RPN1: variants seen among roughly 807,000 people sequenced by gnomAD.
RPN1 encodes the protein dolichyl-diphosphooligosaccharide--protein glycosyltransferase subunit 1.
Under a neutral mutation model 55.5 loss-of-function variants are expected in RPN1, and 12 were observed. The observed-to-expected ratio is 0.22, with a 90% CI of 0.14 to 0.35. The LOEUF (loss-of-function observed/expected upper bound fraction) is 0.35, where lower values mean the gene tolerates loss of function less well. Ranked by LOEUF, RPN1 falls within the 10% of genes least tolerant of loss-of-function variation. RPN1 has a pLI of 1.00. For synonymous variants in RPN1, 317 were observed against 305.9 expected (o/e 1.04, Z -0.38); for missense variants, 679 against 761.3 (o/e 0.89, Z 1.27).
In RPN1 at chr3:128,650,778, A is replaced by G; in HGVS notation, c.23T>C (p.Leu8Ser). The part of the protein sequence containing the change: MEAPAAG[L>S]FLLLLLGTWA... ...AGTCCCAAGCAACAGGAGCAGAAAC[A>G]AGCCGGCGGCTGGCGCCTCCATGAC... The change falls in exon 1 of 10, where the codon TTG becomes TCG. Residue 8 changes from leucine to serine, a missense_variant. This residue lies in a region of RPN1 where 352 missense variants were observed against 352.8 expected (regional missense o/e 1.00). Coordinates refer to ENST00000296255, the MANE Select transcript of RPN1 (RefSeq NM_002950.4). 1 of 1,540,004 alleles carries G rather than the reference A, an allele frequency of 6.5e-7. No homozygotes were observed. Among genetic ancestry groups the G allele is most frequent in the Non-Finnish European group, 8.8e-7 (1 of 1,140,958 alleles).
At chr3:128,620,666 C>G in intron 9 of RPN1, 73 bp from the exon 10 acceptor site, 1 of 1,482,848 alleles carries the variant, frequency 6.7e-7, no homozygotes, top group Non-Finnish European at 9.2e-7. Flanking sequence ...CACCATCTCC[C>G]AGGCCTACAG....
At chr3:128,632,353 A>G (rs1214752644) in intron 3 of RPN1, among the ~76,000 whole-genome samples, 196 bp from the exon 4 acceptor site, 1 of 152,218 alleles carries the variant, frequency 6.6e-6, no homozygotes, top group Non-Finnish European at 1.5e-5. Flanking sequence ...TTCATGATAT[A>G]TTATTAACTC....
At chr3:128,627,874 C>T (rs891044004) in intron 5 of RPN1, among the ~76,000 whole-genome samples, 3 of 152,160 alleles carry the variant, frequency 2.0e-5, no homozygotes, top group Admixed American at 6.5e-5. Flanking sequence ...CCCATAAAAA[C>T]GAACCAGGAG....
At position 128,637,894 on chromosome 3, in the gene RPN1, G is replaced by T. The variant is rs1375624516; in HGVS notation, c.538C>A (p.Arg180=). 1 of 1,614,018 alleles carries T rather than the reference G, an allele frequency of 6.2e-7. No homozygotes were observed. The highest frequency in any genetic ancestry group is 1.3e-5 in the African/African-American group (1 of 74,892). Residue 180 remains arginine (R), a synonymous_variant, in exon 3 of 10, where the codon CGA becomes AGA. Transcript: ENST00000296255. The stretch of plus-strand genomic sequence containing the variant: ...AGCTTGGTGTAGCTCTCCACATTTC[G>T]AGAGGCAAGCTTCACACGCATGGTT... ...TQTMRVKLAS[R]NVESYTKLGN...
intron 8 of RPN1, among the ~76,000 whole-genome samples, chr3:128,622,703 A>T (rs983436747): frequency 6.6e-6 from 1 of 151,922 alleles, no homozygotes; most frequent in South Asian, 2.1e-4. Context: ...GACCAGCCTG[A>T]CCAATATGGT....
At chr3:128,624,434 C>G (rs997385304) in intron 8 of RPN1, among the ~76,000 whole-genome samples, 6 of 151,204 alleles carry the variant, frequency 4.0e-5, no homozygotes, top group Admixed American at 1.3e-4. Flanking sequence ...AAGCTGAGAG[C>G]GCACCACTGC....
In RPN1 at chr3:128,637,838, C is replaced by T; in HGVS notation, c.594G>A (p.Leu198=). Residue 198 remains leucine (L), a synonymous_variant, in exon 3 of 10, where the codon CTG becomes CTA. Transcript: ENST00000296255. The stretch of plus-strand genomic sequence containing the variant: ...GCACATCTCTGAAAGGCCCATAATC[C>T]AGTAGGTCCTCAGAGCGCGTGGGGT... The part of the protein sequence containing the change: ...LGNPTRSEDL[L]DYGPFRDVPA... The T allele has an allele frequency of 6.2e-7, 1 of 1,613,592 alleles. No individual in the cohort carries two copies. Among genetic ancestry groups the T allele is most frequent in the Non-Finnish European group, 8.5e-7 (1 of 1,180,036 alleles).
chr3:128,621,537 C>G (rs1416842565), intron 9 of RPN1, among the ~76,000 whole-genome samples: 1 of 151,344 alleles, frequency 6.6e-6, no homozygotes, highest in African/African-American at 2.4e-5. Flanking sequence ...TGAGGAAATT[C>G]ACACAGAGTG....
chr3:128,643,086 G>A (rs960682372), intron 2 of RPN1, among the ~76,000 whole-genome samples: 3 of 152,008 alleles, frequency 2.0e-5, no homozygotes, highest in African/African-American at 7.2e-5. Flanking sequence ...CAGCACTTTG[G>A]GAGGCCAAGA....
chr3:128,649,036 G>A (rs560903141), intron 1 of RPN1, among the ~76,000 whole-genome samples: 49 of 152,256 alleles, frequency 3.2e-4, no homozygotes, highest in Non-Finnish European at 4.7e-4. Context: ...CATAATATCT[G>A]ACACACAGTA....
rs1025257279 is a variant in RPN1 at position 128,632,870 on chromosome 3, C to G, written c.634-713G>C. ...TTGGCCTACCAAAGTGCTGGGATTA[C>G]AGGCATGAGCCACCGTGCCCAGCAA... On this transcript the variant is annotated intron_variant, in intron 3 of 9. Coordinates refer to ENST00000296255, the MANE Select transcript of RPN1 (RefSeq NM_002950.4). Among the ~76,000 whole-genome samples, 3 of 152,336 alleles carry G rather than the reference C, an allele frequency of 2.0e-5. No individual in the cohort carries two copies. In the South Asian group the frequency reaches 6.2e-4, roughly 32 times the overall value.
At chr3:128,648,657 A>G (rs2069788024) in intron 1 of RPN1, among the ~76,000 whole-genome samples, 1 of 152,230 alleles carries the variant, frequency 6.6e-6, no homozygotes. Context: ...TCTCCTTGTT[A>G]AGTTTATCAT....
At chr3:128,635,491 G>A (rs11717399) in intron 3 of RPN1, among the ~76,000 whole-genome samples, 1 of 150,838 alleles carries the variant, frequency 6.6e-6, no homozygotes, top group Non-Finnish European at 1.5e-5. Context: ...AGTAGAGATG[G>A]GGTTTCACCA....
rs368913377 is a variant in RPN1, at chr3:128,640,017, C to T, written c.327-1912G>A. 7.2e-5 allele frequency among the ~76,000 whole-genome samples: 11 copies of T among 152,050 alleles called. No individual in the cohort carries two copies. In the South Asian group the frequency reaches 2.3e-3, roughly 32 times the overall value. On this transcript the variant is annotated intron_variant, in intron 2 of 9. Transcript: ENST00000296255. ...TGAAACCCTGTCTCTACTAAAAGTA[C>T]AAAAATTAGCCGGGCGTGGTGGCAG...
intron 3 of RPN1, among the ~76,000 whole-genome samples, chr3:128,635,612 GATATATATATATATATATATATATAT>G (rs112246211): frequency 3.2e-5 from 4 of 125,724 alleles, no homozygotes; most frequent in African/African-American, 9.4e-5. Flanking sequence ...TATAACTTGA[GATATATATATATATATATATATATAT>G]AGATATATAT....
chr3:128,650,683 C>G lies in RPN1; in HGVS notation c.118G>C (p.Val40Leu), dbSNP rs1441998204. Residue 40 changes from valine to leucine, a missense_variant, in exon 1 of 10, where the codon GTG becomes CTG. This residue lies in a region of RPN1 where 352 missense variants were observed against 352.8 expected (regional missense o/e 1.00). Transcript: ENST00000296255. ...TTAGCCAGGTGGCTGCTTAGGTCCACTGTGCGCTTCACGTCCTCATTGATC... is the reference window on the plus strand; with the variant it reads ...TTAGCCAGGTGGCTGCTTAGGTCCAGTGTGCGCTTCACGTCCTCATTGATC... ...PLINEDVKRTVDLSSHLAKVT... is the reference protein window; with the variant it reads ...PLINEDVKRTLDLSSHLAKVT... 6.4e-7 allele frequency: 1 copy of G among 1,572,766 alleles called. No homozygotes were observed. The highest frequency in any genetic ancestry group is 1.9e-5 in the Admixed American group (1 of 53,740).
intron 1 of RPN1, among the ~76,000 whole-genome samples, chr3:128,645,485 G>A (rs2069760042): frequency 6.6e-6 from 1 of 151,378 alleles, no homozygotes; most frequent in Admixed American, 6.6e-5. Flanking sequence ...AAAAAAAGTG[G>A]CATAAAACCG....
chr3:128,632,120 A>G lies in RPN1; in HGVS notation c.671T>C (p.Phe224Ser). 2 of 1,614,180 alleles carry G rather than the reference A, an allele frequency of 1.2e-6. No homozygotes were observed. Among genetic ancestry groups the G allele is most frequent in the Non-Finnish European group, 1.7e-6 (2 of 1,180,034 alleles). Residue 224 changes from phenylalanine (F) to serine (S), a missense_variant, in exon 4 of 10, where the codon TTC (phenylalanine) becomes TCC (serine). By Grantham distance (155) the Phe-to-Ser change is radical. Around this residue, in one of 3 missense-constraint regions of RPN1, gnomAD observed 352 missense variants for 352.8 expected, o/e 1.00. Coordinates refer to ENST00000296255, the MANE Select transcript of RPN1 (RefSeq NM_002950.4). ...TCGGGTCATGCTGGTGATGGTCAGG[A>G]AAGGGCTGTTGTTCTCATAATGTAC... The part of the protein sequence containing the change: ...FKVHYENNSP[F>S]LTITSMTRVI...
chr3:128,625,779 C>G, intron 7 of RPN1, 95 bp downstream of exon 7: 1 of 1,561,866 alleles, frequency 6.4e-7, no homozygotes, highest in Non-Finnish European at 8.7e-7. Context: ...GCTCAAATGA[C>G]TCCAGCCCAA....
Sources: allele counts gnomAD v4.1 joint callset (sites outside exome capture counted in the v4.1 genomes callset), GRCh38; gene constraint gnomAD v4.1.1; regional missense constraint gnomAD v4.1.1; transcripts MANE v1.5; gene names NCBI Gene and HGNC (gene_info 2026-07-23, HGNC 2026-07-21).